INPP4B: variants seen among roughly 807,000 people sequenced by gnomAD.
The protein encoded by INPP4B is inositol polyphosphate-4-phosphatase type II B.
INPP4B carries 55 observed loss-of-function variants against 122.5 expected under a neutral mutation model. The ratio of observed to expected loss-of-function variants is 0.45; its 90% CI spans 0.36 to 0.56. INPP4B has a LOEUF of 0.56. Ranked by LOEUF, INPP4B falls within the 20% of genes least tolerant of loss-of-function variation. The pLI is 0.00. For synonymous variants in INPP4B, 403 were observed against 388.7 expected (o/e 1.04, Z -0.43); for missense variants, 1,000 against 1,097.7 (o/e 0.91, Z 1.26).
intron 15 of INPP4B, among the ~76,000 whole-genome samples, chr4:142,181,999 G>A (rs1830987314): frequency 6.6e-6 from 1 of 152,094 alleles, no homozygotes; most frequent in South Asian, 2.1e-4. Context: ...ATTTCTCTCT[G>A]GTGGATAGCA....
intron 21 of INPP4B, among the ~76,000 whole-genome samples, chr4:142,116,526 C>A (rs1793546249): frequency 6.6e-6 from 1 of 152,182 alleles, no homozygotes; most frequent in African/African-American, 2.4e-5. Flanking sequence ...AACTGCTTGA[C>A]TATGTGGAAA....
At chr4:142,152,816 CCT>C (rs1814983403) in intron 17 of INPP4B, among the ~76,000 whole-genome samples, 9 of 152,162 alleles carry the variant, frequency 5.9e-5, no homozygotes, top group Non-Finnish European at 1.5e-5. Context: ...TCTTTCAATA[CCT>C]CTGCTCATTT....
Position 142,160,577 on chromosome 4 carries a change from C to T in INPP4B, c.1360-16G>A. The T allele has an allele frequency of 5.7e-6, 9 of 1,580,402 alleles. No individual in the cohort carries two copies. The highest frequency in any genetic ancestry group is 6.9e-6 in the Non-Finnish European group (8 of 1,155,052). On this transcript the variant is annotated splice_polypyrimidine_tract_variant and intron_variant, in intron 16 of 25. Transcript: ENST00000262992. ...AAAGCTCTGTCTGGAAAGAAATTGA[C>T]AAGGATTAGAAACACCTTGGTAGGC...
intron 5 of INPP4B, among the ~76,000 whole-genome samples, chr4:142,416,803 G>A (rs552204528): frequency 6.6e-6 from 1 of 152,224 alleles, no homozygotes; most frequent in African/African-American, 2.4e-5. Context: ...ACTAACTAGG[G>A]CTTTGAGGGT....
At chr4:142,312,397 AG>A (rs1765851916) in intron 8 of INPP4B, among the ~76,000 whole-genome samples, 1 of 152,192 alleles carries the variant, frequency 6.6e-6, no homozygotes, top group Non-Finnish European at 1.5e-5. Context: ...TTATCCTCAA[AG>A]CTGAAGCCAA....
intron 2 of INPP4B, among the ~76,000 whole-genome samples, chr4:142,512,309 C>T (rs893590532): frequency 5.9e-5 from 9 of 152,168 alleles, no homozygotes; most frequent in African/African-American, 2.2e-4. Flanking sequence ...AGTTCCTACC[C>T]TCATCAACTT....
intron 2 of INPP4B, among the ~76,000 whole-genome samples, chr4:142,506,546 T>G (rs1240994668): frequency 6.6e-6 from 1 of 152,134 alleles, no homozygotes; most frequent in Non-Finnish European, 1.5e-5. Flanking sequence ...CCGTACCGAC[T>G]TACAAGAGCA....
intron 2 of INPP4B, among the ~76,000 whole-genome samples, chr4:142,618,204 G>T (rs1000343996): frequency 1.3e-5 from 2 of 151,520 alleles, no homozygotes; most frequent in African/African-American, 4.8e-5. Context: ...AATATCAATG[G>T]TACTGTCTAC....
In INPP4B at chr4:142,184,243, T is replaced by C. The variant is rs538761003; in HGVS notation, c.1181+8844A>G. 5.3e-5 allele frequency among the ~76,000 whole-genome samples: 8 copies of C among 152,330 alleles called. No individual in the cohort carries two copies. The South Asian group carries it at 1.4e-3, about 28-fold the overall frequency. On this transcript the variant is annotated intron_variant, in intron 15 of 25. Coordinates refer to ENST00000262992, the MANE Select transcript of INPP4B (RefSeq NM_001101669.3). ...CAACTTGGAGGTGTTAAAGTCACTA[T>C]TGCATTACTGATATTGAATCAGGTT...
At chr4:142,268,008 A>G (rs1430036473) in intron 10 of INPP4B, among the ~76,000 whole-genome samples, 1 of 151,976 alleles carries the variant, frequency 6.6e-6, no homozygotes, top group Admixed American at 6.6e-5. Flanking sequence ...TATTTCACAC[A>G]TGTCAGAATG....
At chr4:142,610,571 A>G (rs2150335546) in intron 2 of INPP4B, among the ~76,000 whole-genome samples, 1 of 152,298 alleles carries the variant, frequency 6.6e-6, no homozygotes, top group East Asian at 1.9e-4. Flanking sequence ...ATATTTGTAA[A>G]TTAAAAAAAT....
chr4:142,558,210 G>A (rs1035129309), intron 2 of INPP4B, among the ~76,000 whole-genome samples: 8 of 152,082 alleles, frequency 5.3e-5, no homozygotes, highest in South Asian at 2.1e-4. Context: ...AACCTTGACC[G>A]CTAGATTTTG....
intron 3 of INPP4B, among the ~76,000 whole-genome samples, chr4:142,448,363 A>AGT (rs1372339279): frequency 2.6e-5 from 4 of 151,494 alleles, no homozygotes; most frequent in African/African-American, 9.7e-5. Flanking sequence ...ACACCGAGCA[A>AGT]GTCTCAGTTA....
rs114090944 is a variant in INPP4B, at chr4:142,120,943, G to C, written c.2135+1185C>G. 8.0e-3 allele frequency among the ~76,000 whole-genome samples: 1,210 copies of C among 152,048 alleles called. 17 individuals are homozygous for C. The highest frequency in any genetic ancestry group is 0.027 in the African/African-American group (1,117 of 41,486). On this transcript the variant is annotated intron_variant, in intron 21 of 25. Coordinates refer to ENST00000262992, the MANE Select transcript of INPP4B (RefSeq NM_001101669.3). Reference sequence around the variant, plus strand: ...TAAGCTGCTCACTTCATCATTCTAGGAGCCATGCCCCTACCTGCATGATCA... The same window carrying C: ...TAAGCTGCTCACTTCATCATTCTAGCAGCCATGCCCCTACCTGCATGATCA...
chr4:142,827,636 T>C (rs1355434933), intron 1 of INPP4B, among the ~76,000 whole-genome samples: 1 of 152,158 alleles, frequency 6.6e-6, no homozygotes, highest in Non-Finnish European at 1.5e-5. Flanking sequence ...AGAAATATAT[T>C]TCCTAAAGAG....
At chr4:142,556,300 T>G (rs1365340575) in intron 2 of INPP4B, among the ~76,000 whole-genome samples, 1 of 152,178 alleles carries the variant, frequency 6.6e-6, no homozygotes, top group Admixed American at 6.5e-5. Context: ...ACCAACTGTG[T>G]GGGAACAACA....
chr4:142,728,910 A>G (rs972719234), intron 1 of INPP4B, among the ~76,000 whole-genome samples: 1 of 152,146 alleles, frequency 6.6e-6, no homozygotes, highest in African/African-American at 2.4e-5. Flanking sequence ...GCCAACAAGA[A>G]TCAGGCTTCT....
chr4:142,281,338 A>AT (rs71586272), intron 9 of INPP4B, among the ~76,000 whole-genome samples: 33,580 of 145,894 alleles, frequency 0.23, 4,335 homozygotes, highest in African/African-American at 0.37. Flanking sequence ...ATAGCTAAGC[A>AT]TTTTTTTTTT....
intron 1 of INPP4B, among the ~76,000 whole-genome samples, chr4:142,813,607 A>G (rs969979783): frequency 2.6e-5 from 4 of 152,236 alleles, no homozygotes; most frequent in Non-Finnish European, 5.9e-5. Context: ...AATAAACAAT[A>G]TCACATAAAA....
Sources: gnomAD v4.1 joint callset for allele counts (sites outside exome capture counted in the v4.1 genomes callset) on GRCh38, gnomAD v4.1.1 for gene constraint, MANE v1.5 for transcripts, NCBI Gene and HGNC (gene_info 2026-07-23, HGNC 2026-07-21) for gene names.